GRIK4: variants seen among roughly 807,000 people sequenced by gnomAD.
The protein encoded by GRIK4 is glutamate ionotropic receptor kainate type subunit 4, also known as glutamate receptor ionotropic, kainate 4.
In GRIK4, 40 loss-of-function variants were observed where a neutral mutation model predicts 104.9. The observed-to-expected ratio is 0.38, with a 90% CI of 0.30 to 0.50. The LOEUF (loss-of-function observed/expected upper bound fraction) is 0.50, where lower values mean the gene tolerates loss of function less well. GRIK4 is among the 20% of genes least tolerant of loss of function. GRIK4 has a pLI of 0.93. For missense variants in GRIK4, 1,047 were observed against 1,308.1 expected (o/e 0.80, Z 3.08); for synonymous variants, 485 against 524.9 (o/e 0.92, Z 1.04).
chr11:120,627,916 T>C (rs1253334284), intron 1 of GRIK4, among the ~76,000 whole-genome samples: 1 of 152,258 alleles, frequency 6.6e-6, no homozygotes, highest in Non-Finnish European at 1.5e-5. Flanking sequence ...CATGTCACGG[T>C]GCTGCTAGCA....
At chr11:120,623,613 A>C (rs192049360) in intron 1 of GRIK4, among the ~76,000 whole-genome samples, 2 of 152,368 alleles carry the variant, frequency 1.3e-5, no homozygotes, top group East Asian at 3.9e-4. Context: ...TCATTAAAGA[A>C]AAACACTGAT....
At chr11:120,901,453 G>T (rs368264502) in intron 12 of GRIK4, among the ~76,000 whole-genome samples, 64 of 152,118 alleles carry the variant, frequency 4.2e-4, no homozygotes, top group African/African-American at 1.5e-3. Flanking sequence ...CAGATGTCAC[G>T]TCTCCCACGA....
At chr11:120,691,182 T>C (rs563181678) in intron 3 of GRIK4, among the ~76,000 whole-genome samples, 183 of 152,290 alleles carry the variant, frequency 1.2e-3, no homozygotes, top group African/African-American at 4.4e-3. Flanking sequence ...ATCTACTGTT[T>C]TCAATTCACC....
chr11:120,618,026 A>G (rs560789901), intron 1 of GRIK4, among the ~76,000 whole-genome samples: 8 of 152,324 alleles, frequency 5.3e-5, no homozygotes, highest in African/African-American at 1.9e-4. Flanking sequence ...GCTCAGCAGA[A>G]GGCAGGAAGA....
At chr11:120,899,050 G>C (rs557369250) in intron 12 of GRIK4, among the ~76,000 whole-genome samples, 1 of 152,162 alleles carries the variant, frequency 6.6e-6, no homozygotes, top group Non-Finnish European at 1.5e-5. Flanking sequence ...ATCCTGAAGC[G>C]GACATGGGAA....
chr11:120,883,663 A>G (rs544397308), intron 11 of GRIK4, among the ~76,000 whole-genome samples: 1 of 152,300 alleles, frequency 6.6e-6, no homozygotes, highest in Admixed American at 6.5e-5. Flanking sequence ...TGGAAAATTC[A>G]CTGACTGCAG....
At chr11:120,717,861 G>C (rs1026396676) in intron 3 of GRIK4, among the ~76,000 whole-genome samples, 27 of 152,138 alleles carry the variant, frequency 1.8e-4, no homozygotes, top group Non-Finnish European at 3.7e-4. Context: ...ACGGGCTTAG[G>C]CCTCCTGGAG....
chr11:120,882,887 G>A (rs192039562), intron 11 of GRIK4, among the ~76,000 whole-genome samples: 17 of 152,232 alleles, frequency 1.1e-4, no homozygotes, highest in Admixed American at 1.1e-3. Flanking sequence ...TGATGGTCAG[G>A]CATGCCAGGC....
chr11:120,794,598 C>T (rs1302529639), intron 3 of GRIK4, among the ~76,000 whole-genome samples: 4 of 152,124 alleles, frequency 2.6e-5, no homozygotes, highest in Non-Finnish European at 5.9e-5. Flanking sequence ...AGAAAGACCA[C>T]GTACGGGTGC....
chr11:120,654,542 T>C lies in GRIK4; in HGVS notation c.-51+750T>C, dbSNP rs375531847. The stretch of plus-strand genomic sequence containing the variant: ...CACACCCGGCTAACTTTTGTATTTT[T>C]AGTAGTGACCGGGTTTCACCATGTT... On this transcript the variant is annotated intron_variant, in intron 2 of 20. Coordinates refer to ENST00000527524, the MANE Select transcript of GRIK4 (RefSeq NM_014619.5). 1.6e-3 allele frequency among the ~76,000 whole-genome samples: 245 copies of C among 152,180 alleles called. 4 individuals are homozygous for C. The South Asian group carries it at 0.036, about 22-fold the overall frequency.
At chr11:120,822,083 C>CAT (rs1953141443) in intron 6 of GRIK4, among the ~76,000 whole-genome samples, 1 of 151,664 alleles carries the variant, frequency 6.6e-6, no homozygotes, top group Non-Finnish European at 1.5e-5. Context: ...TGGTGGTACG[C>CAT]GCCTGTAATC....
At chr11:120,723,411 C>T (rs1288835471) in intron 3 of GRIK4, among the ~76,000 whole-genome samples, 1 of 152,164 alleles carries the variant, frequency 6.6e-6, no homozygotes, top group Non-Finnish European at 1.5e-5. Context: ...TCTAGTTATC[C>T]CCACTGTGAG....
At chr11:120,777,585 A>G (rs1271115772) in intron 3 of GRIK4, among the ~76,000 whole-genome samples, 1 of 152,252 alleles carries the variant, frequency 6.6e-6, no homozygotes, top group Non-Finnish European at 1.5e-5. Context: ...GCTGACAGAC[A>G]GACAAAGAAG....
intron 13 of GRIK4, among the ~76,000 whole-genome samples, chr11:120,921,924 T>A (rs952031661): frequency 1.3e-5 from 2 of 152,164 alleles, no homozygotes; most frequent in African/African-American, 4.8e-5. Context: ...ATAAATCTGC[T>A]CTATCAAGCT....
chr11:120,818,029 GA>G (rs1591952051), intron 5 of GRIK4, among the ~76,000 whole-genome samples: 1 of 152,246 alleles, frequency 6.6e-6, no homozygotes, highest in Admixed American at 6.5e-5. Flanking sequence ...TGGTTTATCT[GA>G]AAATCACACA....
intron 11 of GRIK4, among the ~76,000 whole-genome samples, chr11:120,890,815 G>A (rs927117524): frequency 2.0e-5 from 3 of 152,202 alleles, no homozygotes; most frequent in African/African-American, 4.8e-5. Flanking sequence ...TGCCCAGAAT[G>A]CAAAGGTGAT....
chr11:120,835,897 T>C (rs1243136625), intron 7 of GRIK4, among the ~76,000 whole-genome samples: 1 of 152,208 alleles, frequency 6.6e-6, no homozygotes, highest in East Asian at 1.9e-4. Context: ...GATGTAGCAG[T>C]TCTCAACTGT....
At chr11:120,609,131 C>T (rs1948999998) in intron 1 of GRIK4, among the ~76,000 whole-genome samples, 1 of 152,142 alleles carries the variant, frequency 6.6e-6, no homozygotes, top group African/African-American at 2.4e-5. Context: ...TGCGTGCTCC[C>T]AGCGCCTCCC....
At chr11:120,775,830 G>A (rs952273481) in intron 3 of GRIK4, among the ~76,000 whole-genome samples, 1 of 152,260 alleles carries the variant, frequency 6.6e-6, no homozygotes, top group Non-Finnish European at 1.5e-5. Flanking sequence ...GAGTTTGTGA[G>A]AGCCAAGCTC....
Sources: gnomAD v4.1 joint callset for allele counts (sites outside exome capture counted in the v4.1 genomes callset) on GRCh38, gnomAD v4.1.1 for gene constraint, MANE v1.5 for transcripts, NCBI Gene and HGNC (gene_info 2026-07-23, HGNC 2026-07-21) for gene names.